TEK: variants seen among roughly 807,000 people sequenced by gnomAD.
The protein encoded by TEK is angiopoietin-1 receptor.
TEK carries 43 observed loss-of-function variants against 131.8 expected under a neutral mutation model. That is an observed-to-expected ratio of 0.33 (90% confidence interval 0.26 to 0.42). TEK has a LOEUF of 0.42. Ranked by LOEUF, TEK falls within the 10% of genes least tolerant of loss-of-function variation. TEK has a pLI of 1.00. For synonymous variants in TEK, 580 were observed against 491.6 expected, an observed-to-expected ratio of 1.18 and a Z score of -2.38; for missense variants, 1,162 against 1,384.4, an observed-to-expected ratio of 0.84 and a Z score of 2.55.
At chr9:27,123,075 A>AAC (rs1187660254) in intron 1 of TEK, among the ~76,000 whole-genome samples, 1 of 150,596 alleles carries the variant, frequency 6.6e-6, no homozygotes, top group African/African-American at 2.4e-5. Context: ...AAAAAAAAAA[A>AAC]AAACTGGAGG....
chr9:27,192,672 AGGAAGGG>A, intron 11 of TEK, 49 bp downstream of exon 11: 1 of 1,169,578 alleles, frequency 8.6e-7, no homozygotes, highest in Non-Finnish European at 1.1e-6. Flanking sequence ...TGGGAGGGGG[AGGAAGGG>A]GAAAGAGGAA....
chr9:27,217,590 C>A, intron 18 of TEK, 98 bp from the exon 19 acceptor site: 1 of 1,030,112 alleles, frequency 9.7e-7, no homozygotes, highest in Non-Finnish European at 1.5e-6. Flanking sequence ...ATTTCTGAGT[C>A]TACCCAGCAA....
intron 6 of TEK, 57 bp downstream of exon 6, chr9:27,173,419 T>C (rs1824039915): frequency 1.2e-6 from 2 of 1,610,450 alleles, no homozygotes; most frequent in Admixed American, 3.3e-5. Context: ...ATAAAGGAGA[T>C]CCAGTTTGCT....
chr9:27,223,160 C>A (rs1826160109), intron 21 of TEK, among the ~76,000 whole-genome samples: 1 of 128,666 alleles, frequency 7.8e-6, no homozygotes, highest in South Asian at 2.7e-4. Flanking sequence ...GACTTAAAGT[C>A]TCCCACTATT....
At chr9:27,187,425 G>A (rs924454465) in intron 9 of TEK, among the ~76,000 whole-genome samples, 17 of 152,268 alleles carry the variant, frequency 1.1e-4, no homozygotes, top group South Asian at 2.1e-4. Flanking sequence ...CTTAGCCTGG[G>A]AACCAGCAGT....
chr9:27,144,529 A>G (rs1485447393), intron 1 of TEK, among the ~76,000 whole-genome samples: 3 of 152,186 alleles, frequency 2.0e-5, no homozygotes, highest in African/African-American at 7.2e-5. Context: ...AGTTTGATAG[A>G]GGAAAAACAG....
chr9:27,224,730 C>G (rs1433853934), intron 21 of TEK, among the ~76,000 whole-genome samples: 1 of 152,128 alleles, frequency 6.6e-6, no homozygotes, highest in Non-Finnish European at 1.5e-5. Flanking sequence ...CCCTCCTGTT[C>G]AACGTAGGAT....
At chr9:27,115,639 A>T (rs915171142) in intron 1 of TEK, among the ~76,000 whole-genome samples, 1 of 152,260 alleles carries the variant, frequency 6.6e-6, no homozygotes. Flanking sequence ...TCTTTGCAAG[A>T]ACTCCTAAAT....
At chr9:27,160,024 T>G (rs1468820262) in intron 2 of TEK, among the ~76,000 whole-genome samples, 1 of 144,948 alleles carries the variant, frequency 6.9e-6, no homozygotes, top group East Asian at 2.0e-4. Flanking sequence ...TTTTTTTTTT[T>G]TTTTTTTTTT....
intron 14 of TEK, 38 bp from the exon 15 acceptor site, chr9:27,206,544 A>C (rs748771702): frequency 6.3e-6 from 10 of 1,594,020 alleles, no homozygotes; most frequent in Non-Finnish European, 8.6e-6. Context: ...AATTATGAAA[A>C]ATCCTGACAC....
At chr9:27,133,214 T>C (rs1822288979) in intron 1 of TEK, among the ~76,000 whole-genome samples, 1 of 152,132 alleles carries the variant, frequency 6.6e-6, no homozygotes, top group African/African-American at 2.4e-5. Flanking sequence ...AGTGTGAGGG[T>C]AAATAACAGA....
chr9:27,164,912 T>G (rs546265157), intron 2 of TEK, among the ~76,000 whole-genome samples: 1 of 152,324 alleles, frequency 6.6e-6, no homozygotes, highest in South Asian at 2.1e-4. Context: ...ATTTATCGTT[T>G]TTATGGCCTA....
chr9:27,229,034 T>C, intron 22 of TEK, 124 bp from the exon 23 acceptor site: 1 of 815,606 alleles, frequency 1.2e-6, no homozygotes, highest in South Asian at 1.4e-5. Context: ...GACAGAAAAG[T>C]ATCCCCCAAG....
intron 1 of TEK, among the ~76,000 whole-genome samples, chr9:27,124,172 A>C (rs1004038931): frequency 6.6e-6 from 1 of 152,376 alleles, no homozygotes; most frequent in African/African-American, 2.4e-5. Context: ...TCCCAGCCTT[A>C]CTACTGTATC....
chr9:27,187,144 G>C (rs187767696), intron 9 of TEK, among the ~76,000 whole-genome samples: 7 of 152,306 alleles, frequency 4.6e-5, no homozygotes, highest in Admixed American at 4.6e-4. Context: ...ACACAGAAGA[G>C]TCACTGGGTC....
intron 1 of TEK, among the ~76,000 whole-genome samples, chr9:27,137,264 C>G (rs935999407): frequency 2.0e-5 from 3 of 152,136 alleles, no homozygotes; most frequent in African/African-American, 7.2e-5. Context: ...CATATGTACC[C>G]TATGCATTTC....
chr9:27,110,172 C>CTTTTTTTTTTT (rs56159018), intron 1 of TEK, among the ~76,000 whole-genome samples: 3 of 144,864 alleles, frequency 2.1e-5, no homozygotes, highest in Non-Finnish European at 4.5e-5. Flanking sequence ...AAATTGTAGG[C>CTTTTTTTTTTT]TTTTTTTTTT....
At chr9:27,215,537 T>C (rs528494532) in intron 18 of TEK, among the ~76,000 whole-genome samples, 1 of 150,352 alleles carries the variant, frequency 6.7e-6, no homozygotes, top group African/African-American at 2.5e-5. Flanking sequence ...TCAATTGGTC[T>C]AGGGTGAGAA....
chr9:27,214,556 A>G (rs2131232118), intron 18 of TEK, among the ~76,000 whole-genome samples: 1 of 152,266 alleles, frequency 6.6e-6, no homozygotes, highest in East Asian at 1.9e-4. Flanking sequence ...TTTTCCCATC[A>G]TACTTATTTT....
Sources: allele counts gnomAD v4.1 joint callset (sites outside exome capture counted in the v4.1 genomes callset), GRCh38; gene constraint gnomAD v4.1.1; transcripts MANE v1.5; gene names NCBI Gene and HGNC (gene_info 2026-07-23, HGNC 2026-07-21).